The following CCSER1 variants were observed in gnomAD, a reference collection of about 807,000 sequenced individuals.
The protein encoded by CCSER1 is serine-rich coiled-coil domain-containing protein 1.
CCSER1 carries 41 observed loss-of-function variants against 82.0 expected under a neutral mutation model. The observed-to-expected ratio is 0.50, with a 90% CI of 0.39 to 0.65. The LOEUF is 0.65. CCSER1 is among the 30% of genes least tolerant of loss of function. The probability of loss-of-function intolerance (pLI) is 0.00; values close to 1 mark genes in which losing one functional copy is unlikely to be tolerated. For missense variants in CCSER1, 1,119 were observed against 1,064.2 expected (o/e 1.05, Z -0.72); for synonymous variants, 414 against 383.9 (o/e 1.08, Z -0.92).
intron 9 of CCSER1, among the ~76,000 whole-genome samples, chr4:90,935,019 C>CAT (rs905669913): frequency 2.6e-5 from 4 of 151,632 alleles, no homozygotes; most frequent in African/African-American, 9.7e-5. Flanking sequence ...ATATGAAATG[C>CAT]ATATATATAT....
intron 6 of CCSER1, among the ~76,000 whole-genome samples, chr4:90,639,859 T>C (rs947142033): frequency 6.6e-6 from 1 of 152,154 alleles, no homozygotes; most frequent in Non-Finnish European, 1.5e-5. Flanking sequence ...AGCAAGATCA[T>C]GGCTAGAAAT....
chr4:90,951,595 A>G (rs933592733), intron 9 of CCSER1, among the ~76,000 whole-genome samples: 2 of 152,136 alleles, frequency 1.3e-5, no homozygotes, highest in East Asian at 3.8e-4. Context: ...GAAGTCCAAC[A>G]TGATAAAAAA....
chr4:90,278,453 A>T (rs542206644), intron 1 of CCSER1, among the ~76,000 whole-genome samples: 8 of 152,270 alleles, frequency 5.3e-5, no homozygotes, highest in African/African-American at 1.9e-4. Context: ...TGGATTGGAT[A>T]AAGAAAATGT....
chr4:90,698,712 G>A (rs1176278638), intron 6 of CCSER1, among the ~76,000 whole-genome samples: 1 of 152,108 alleles, frequency 6.6e-6, no homozygotes, highest in Non-Finnish European at 1.5e-5. Flanking sequence ...AGAGGCTTGT[G>A]AATTAACCGA....
At chr4:91,444,991 A>G (rs1755456622) in intron 10 of CCSER1, among the ~76,000 whole-genome samples, 1 of 152,210 alleles carries the variant, frequency 6.6e-6, no homozygotes, top group African/African-American at 2.4e-5. Context: ...CAGGAAAGAG[A>G]GTGTGTTGTT....
At chr4:90,533,465 C>G (rs1262767856) in intron 5 of CCSER1, among the ~76,000 whole-genome samples, 1 of 152,188 alleles carries the variant, frequency 6.6e-6, no homozygotes, top group Non-Finnish European at 1.5e-5. Context: ...CAGATGGACT[C>G]TAAGGGCCAT....
chr4:90,598,982 A>C (rs1560785658), intron 5 of CCSER1, among the ~76,000 whole-genome samples: 1 of 152,220 alleles, frequency 6.6e-6, no homozygotes, highest in Non-Finnish European at 1.5e-5. Flanking sequence ...AATGCACTCT[A>C]GCAGTGGCTC....
chr4:90,888,705 T>C (rs1446264829), intron 8 of CCSER1, among the ~76,000 whole-genome samples: 1 of 152,108 alleles, frequency 6.6e-6, no homozygotes, highest in African/African-American at 2.4e-5. Context: ...AAAGTGGGCC[T>C]AGAGATACAA....
At chr4:90,158,698 C>T (rs963969482) in intron 1 of CCSER1, among the ~76,000 whole-genome samples, 2 of 152,206 alleles carry the variant, frequency 1.3e-5, no homozygotes, top group Non-Finnish European at 2.9e-5. Flanking sequence ...GGGATATAAT[C>T]TACTGCTGCG....
At chr4:90,952,082 C>A (rs1488410668) in intron 9 of CCSER1, among the ~76,000 whole-genome samples, 1 of 151,922 alleles carries the variant, frequency 6.6e-6, no homozygotes, top group African/African-American at 2.4e-5. Context: ...CCAGTAAAGT[C>A]ACCTTTAATG....
intron 10 of CCSER1, among the ~76,000 whole-genome samples, chr4:91,593,467 CT>C (rs753973015): frequency 2.7e-3 from 149 of 55,036 alleles, no homozygotes; most frequent in African/African-American, 5.8e-3. Flanking sequence ...CAACCCCGTG[CT>C]TTTTTTTTTT....
intron 1 of CCSER1, among the ~76,000 whole-genome samples, chr4:90,128,160 C>T (rs1446293254): frequency 6.6e-6 from 1 of 152,156 alleles, no homozygotes; most frequent in Non-Finnish European, 1.5e-5. Context: ...CTGGCCAAGG[C>T]GGCGAGAGTT....
At chr4:91,584,069 A>C (rs570132773) in intron 10 of CCSER1, among the ~76,000 whole-genome samples, 2 of 151,520 alleles carry the variant, frequency 1.3e-5, no homozygotes, top group South Asian at 2.1e-4. Context: ...ATTATTTTTA[A>C]AAAGTAGGTA....
chr4:90,592,158 A>T (rs200475632), intron 5 of CCSER1, among the ~76,000 whole-genome samples: 1 of 152,090 alleles, frequency 6.6e-6, no homozygotes, highest in Non-Finnish European at 1.5e-5. Flanking sequence ...TGCATAAAAA[A>T]CCTGCACGTT....
intron 10 of CCSER1, among the ~76,000 whole-genome samples, chr4:91,504,833 T>G (rs1441976744): frequency 6.6e-6 from 1 of 152,214 alleles, no homozygotes; most frequent in Non-Finnish European, 1.5e-5. Flanking sequence ...AGTGTTCACT[T>G]GAGTGATAAA....
At chr4:90,349,988 T>A (rs766927415) in intron 3 of CCSER1, among the ~76,000 whole-genome samples, 12 of 152,164 alleles carry the variant, frequency 7.9e-5, no homozygotes, top group Non-Finnish European at 1.8e-4. Context: ...CAGTTCTGCA[T>A]CTTTCATTGT....
chr4:90,137,105 C>G (rs1723834453), intron 1 of CCSER1, among the ~76,000 whole-genome samples: 1 of 151,942 alleles, frequency 6.6e-6, no homozygotes, highest in African/African-American at 2.4e-5. Context: ...TATAAATGAC[C>G]TAGGAATATT....
intron 9 of CCSER1, among the ~76,000 whole-genome samples, chr4:91,080,744 G>T (rs572104639): frequency 6.6e-6 from 1 of 152,090 alleles, no homozygotes; most frequent in East Asian, 1.9e-4. Flanking sequence ...TATCACCACC[G>T]ATCCCACAGA....
At position 90,245,265 on chromosome 4, in the gene CCSER1, T is replaced by C. The variant is rs79839474; in HGVS notation, c.-41-62979T>C. Among the ~76,000 whole-genome samples, 4 of 152,330 alleles carry C rather than the reference T, an allele frequency of 2.6e-5. No homozygotes were observed. In the East Asian group the frequency reaches 7.7e-4, roughly 29 times the overall value. On this transcript the variant is annotated intron_variant, in intron 1 of 10. Transcript: ENST00000509176. ...CAGTTTTTAAATTGTGAATGACATTTAAAAAATAATTTTCATTATGTTTTT... is the reference window on the plus strand; with the variant it reads ...CAGTTTTTAAATTGTGAATGACATTCAAAAAATAATTTTCATTATGTTTTT...
Sources: allele counts gnomAD v4.1 joint callset (sites outside exome capture counted in the v4.1 genomes callset), GRCh38; gene constraint gnomAD v4.1.1; transcripts MANE v1.5; gene names NCBI Gene and HGNC (gene_info 2026-07-23, HGNC 2026-07-21).